TTLL5: variants seen among roughly 807,000 people sequenced by gnomAD.
TTLL5 encodes the protein tubulin tyrosine ligase like 5.
A neutral mutation model predicts 168.4 loss-of-function variants in TTLL5; 132 were observed. The ratio of observed to expected loss-of-function variants is 0.78; its 90% CI spans 0.68 to 0.91. The LOEUF is 0.91. Among genes scored for constraint, TTLL5 ranks in the 40% least tolerant of loss-of-function variants. TTLL5 has a pLI of 0.00. For missense variants in TTLL5, 1,545 were observed against 1,581.5 expected (o/e 0.98, Z 0.39); for synonymous variants, 546 against 558.6 (o/e 0.98, Z 0.32).
At chr14:75,737,539 T>C (rs1393186757) in intron 15 of TTLL5, 2 of 1,530,958 alleles carry the variant, frequency 1.3e-6, no homozygotes, top group Non-Finnish European at 1.7e-6. Context: ...AAGATAAGGG[T>C]TTATTCCATT....
chr14:75,748,227 A>G (rs1209208900), intron 17 of TTLL5, among the ~76,000 whole-genome samples: 1 of 150,918 alleles, frequency 6.6e-6, no homozygotes, highest in Non-Finnish European at 1.5e-5. Context: ...TTATCCTCTC[A>G]TGTATAGAAG....
chr14:75,790,472 C>CT (rs201060570), intron 26 of TTLL5, among the ~76,000 whole-genome samples: 275 of 142,846 alleles, frequency 1.9e-3, no homozygotes, highest in East Asian at 4.5e-3. Context: ...TTCTTTTTTT[C>CT]TTTTTTTTTT....
At chr14:75,944,364 C>T (rs1227226533) in intron 31 of TTLL5, among the ~76,000 whole-genome samples, 1 of 152,166 alleles carries the variant, frequency 6.6e-6, no homozygotes, top group African/African-American at 2.4e-5. Context: ...CTACAAAGGA[C>T]CCCTAGACTG....
At chr14:75,932,413 G>A (rs2034304782) in intron 31 of TTLL5, among the ~76,000 whole-genome samples, 2 of 152,262 alleles carry the variant, frequency 1.3e-5, no homozygotes, top group East Asian at 3.9e-4. Context: ...GCAAACTAGG[G>A]TGTATATGTC....
intron 27 of TTLL5, among the ~76,000 whole-genome samples, chr14:75,801,083 C>T (rs2140367332): frequency 6.6e-6 from 1 of 152,208 alleles, no homozygotes; most frequent in Non-Finnish European, 1.5e-5. Context: ...GGCCACAGAG[C>T]TCCCAAGATA....
At chr14:75,676,765 T>A (rs182612980) in intron 3 of TTLL5, among the ~76,000 whole-genome samples, 1 of 151,876 alleles carries the variant, frequency 6.6e-6, no homozygotes, top group Non-Finnish European at 1.5e-5. Context: ...TGATAGCATT[T>A]TACTTTTTTT....
intron 31 of TTLL5, among the ~76,000 whole-genome samples, chr14:75,945,738 A>C (rs2034753026): frequency 6.6e-6 from 1 of 152,244 alleles, no homozygotes; most frequent in African/African-American, 2.4e-5. Flanking sequence ...ATAATGGCTA[A>C]AAATTTTCCA....
chr14:75,902,904 G>A (rs995425832), intron 31 of TTLL5, among the ~76,000 whole-genome samples: 5 of 152,210 alleles, frequency 3.3e-5, no homozygotes, highest in Non-Finnish European at 7.3e-5. Context: ...CACACCGGGT[G>A]AACAAGACAG....
chr14:75,666,435 T>C (rs903494986), intron 2 of TTLL5, among the ~76,000 whole-genome samples: 1 of 152,264 alleles, frequency 6.6e-6, no homozygotes, highest in Non-Finnish European at 1.5e-5. Flanking sequence ...TGTATGTAGA[T>C]ATAGAAGCTT....
chr14:75,944,981 C>T lies in TTLL5; in HGVS notation c.3824-9443C>T, dbSNP rs115579956. On this transcript the variant is annotated intron_variant, in intron 31 of 31. Transcript: ENST00000298832. The stretch of plus-strand genomic sequence containing the variant: ...GTAAACACACTGTGCATGCTCATCT[C>T]CCAAGTGCTAGCAGACCACTGCATC... Among the ~76,000 whole-genome samples the T allele has an allele frequency of 5.3e-3, 802 of 152,080 alleles. 4 individuals carry two copies. Among genetic ancestry groups the T allele is most frequent in the African/African-American group, 0.019 (780 of 41,510 alleles).
Position 75,719,730 on chromosome 14 carries a change from T to G in TTLL5, c.843-5T>G, listed in dbSNP as rs1887724996. On this transcript the variant is annotated splice_polypyrimidine_tract_variant and splice_region_variant and intron_variant, in intron 10 of 31. Coordinates refer to ENST00000298832, the MANE Select transcript of TTLL5 (RefSeq NM_015072.5). ...ATGTGACTTTGATTTATTAATTTGT[T>G]TTAGTTGTGACGATCCAGAAGTGGA... 2 of 1,602,590 alleles carry G rather than the reference T, an allele frequency of 1.2e-6. No homozygotes were observed. The highest frequency in any genetic ancestry group is 2.7e-5 in the African/African-American group (2 of 74,138).
chr14:75,886,263 G>A (rs150130580), intron 30 of TTLL5, among the ~76,000 whole-genome samples: 74 of 152,298 alleles, frequency 4.9e-4, no homozygotes, highest in African/African-American at 1.6e-3. Flanking sequence ...AGAATAGAAC[G>A]TTAAAGATGG....
chr14:75,830,855 G>T (rs756810034), intron 28 of TTLL5, among the ~76,000 whole-genome samples: 1 of 152,140 alleles, frequency 6.6e-6, no homozygotes, highest in Non-Finnish European at 1.5e-5. Context: ...GTTTATTGCA[G>T]TCTTCCTGCA....
chr14:75,886,944 G>A, intron 30 of TTLL5: 3 of 1,422,086 alleles, frequency 2.1e-6, no homozygotes, highest in Non-Finnish European at 2.7e-6. Context: ...GGCCAAAGAT[G>A]TTGTAACCTG....
chr14:75,931,978 T>G (rs2034291466), intron 31 of TTLL5, among the ~76,000 whole-genome samples: 1 of 152,220 alleles, frequency 6.6e-6, no homozygotes, highest in Non-Finnish European at 1.5e-5. Flanking sequence ...GTATCACCAG[T>G]GCTTTTCATA....
chr14:75,919,839 A>G (rs1450312568), intron 31 of TTLL5, among the ~76,000 whole-genome samples: 1 of 152,062 alleles, frequency 6.6e-6, no homozygotes, highest in African/African-American at 2.4e-5. Context: ...GTGAAGGACA[A>G]ACCGGGTGCA....
At position 75,954,677 on chromosome 14, in the gene TTLL5, G is replaced by A. The variant is rs1368587086; in HGVS notation, c.*231G>A. On this transcript the variant is annotated 3_prime_UTR_variant, in exon 32 of 32. Coordinates refer to ENST00000298832, the MANE Select transcript of TTLL5 (RefSeq NM_015072.5). ...GGGTTTTGATGGAACTTGGCAGTGGGGACATTCAGCTGATGCATTATATAC... is the reference window on the plus strand; with the variant it reads ...GGGTTTTGATGGAACTTGGCAGTGGAGACATTCAGCTGATGCATTATATAC... 1 of 586,070 alleles carries A rather than the reference G, an allele frequency of 1.7e-6. No homozygotes were observed. The highest frequency in any genetic ancestry group is 3.0e-6 in the Non-Finnish European group (1 of 329,258). The allele number at this position is 586,070 out of a possible 1,614,324, so 36.3% of individuals were successfully genotyped here.
chr14:75,713,080 A>G (rs1292711587), intron 9 of TTLL5, among the ~76,000 whole-genome samples: 1 of 152,194 alleles, frequency 6.6e-6, no homozygotes, highest in Non-Finnish European at 1.5e-5. Context: ...ATTAAGAGGG[A>G]GATACAAGAC....
intron 29 of TTLL5, among the ~76,000 whole-genome samples, chr14:75,881,975 T>C (rs1485922731): frequency 6.6e-6 from 1 of 152,240 alleles, no homozygotes; most frequent in Non-Finnish European, 1.5e-5. Context: ...TTTATAGGCT[T>C]ACCCTCTGAG....
Sources: gnomAD v4.1 joint callset for allele counts (sites outside exome capture counted in the v4.1 genomes callset) on GRCh38, gnomAD v4.1.1 for gene constraint, MANE v1.5 for transcripts, NCBI Gene and HGNC (gene_info 2026-07-23, HGNC 2026-07-21) for gene names.